Variants in ARGLU1 observed in about 807,000 individuals in gnomAD.
ARGLU1 encodes arginine and glutamate rich 1, also known as arginine and glutamate-rich protein 1.
Under a neutral mutation model 37.6 loss-of-function variants are expected in ARGLU1, and 9 were observed. The ratio of observed to expected loss-of-function variants is 0.24; its 90% CI spans 0.14 to 0.42. ARGLU1 has a LOEUF of 0.42. Ranked by LOEUF, ARGLU1 falls within the 10% of genes least tolerant of loss-of-function variation. ARGLU1 has a pLI of 1.00. For synonymous variants in ARGLU1, 166 were observed against 138.5 expected, an observed-to-expected ratio of 1.20 and a Z score of -1.39; for missense variants, 211 against 359.2, an observed-to-expected ratio of 0.59 and a Z score of 3.34.
chr13:106,554,803 T>C (rs756321337), intron 3 of ARGLU1, among the ~76,000 whole-genome samples: 6 of 151,342 alleles, frequency 4.0e-5, no homozygotes, highest in Non-Finnish European at 8.8e-5. Flanking sequence ...GAGGATTGCT[T>C]GAATCTGGAA....
chr13:106,567,768 C>T lies in ARGLU1; in HGVS notation c.152G>A (p.Arg51Gln). Residue 51 changes from arginine (R) to glutamine (Q), a missense_variant, in exon 1 of 4, where the codon CGG becomes CAG. Around this residue, in one of 3 missense-constraint regions of ARGLU1, gnomAD observed 130 missense variants for 179.8 expected, o/e 0.72. Coordinates refer to ENST00000400198, the MANE Select transcript of ARGLU1 (RefSeq NM_018011.4). This position sits in a 1 kb window ranked among gnomAD's most constrained non-coding sequence, Gnocchi z 4.3. Reference sequence around the variant, plus strand: ...GCGCGAACGGGACCGCGACTCCCGCCGCCGGTTCCGTTTACTTTCCCGAGA... The same window carrying T: ...GCGCGAACGGGACCGCGACTCCCGCTGCCGGTTCCGTTTACTTTCCCGAGA... ...SKSRESKRNRRRESRSRSRST... is the reference protein window; with the variant it reads ...SKSRESKRNRQRESRSRSRST... The T allele has an allele frequency of 6.2e-7, 1 of 1,613,196 alleles. No individual in the cohort carries two copies. The highest frequency in any genetic ancestry group is 8.5e-7 in the Non-Finnish European group (1 of 1,179,590).
rs1238885501 is a variant in ARGLU1, at chr13:106,557,287, A to T, written c.574-156T>A. On this transcript the variant is annotated intron_variant, in intron 2 of 3. Transcript: ENST00000400198. The surrounding 1 kb of genome is among the most constrained non-coding windows in gnomAD (Gnocchi z 5.0). Reference sequence around the variant, plus strand: ...CAAATGATAAACTGTGCAGTCACTAAAATTGGTTTCTAGCACTAAATTTAA... The same window carrying T: ...CAAATGATAAACTGTGCAGTCACTATAATTGGTTTCTAGCACTAAATTTAA... The T allele has an allele frequency of 1.4e-6, 1 of 733,180 alleles. No homozygotes were observed. The highest frequency in any genetic ancestry group is 2.1e-6 in the Non-Finnish European group (1 of 466,368). 45.4% of individuals were successfully genotyped at this position (733,180 alleles called of 1,614,324 possible).
intron 3 of ARGLU1, among the ~76,000 whole-genome samples, chr13:106,549,241 T>C (rs890092190): frequency 2.0e-5 from 3 of 152,300 alleles, no homozygotes; most frequent in Admixed American, 6.5e-5. Flanking sequence ...TAAAAATCCA[T>C]AGAAATATTT....
chr13:106,561,120 A>G (rs1369405835), intron 1 of ARGLU1, among the ~76,000 whole-genome samples: 3 of 152,224 alleles, frequency 2.0e-5, no homozygotes, highest in Non-Finnish European at 4.4e-5. Context: ...TGTTTGCCCA[A>G]CACTCATTCT....
At chr13:106,549,476 G>C (rs1346863393) in intron 3 of ARGLU1, among the ~76,000 whole-genome samples, 2 of 152,018 alleles carry the variant, frequency 1.3e-5, no homozygotes, top group Non-Finnish European at 2.9e-5. Context: ...TATTTGATAC[G>C]ATTAGTTCTG....
chr13:106,561,829 T>TA (rs1381039362), intron 1 of ARGLU1: 1 of 152,248 alleles, frequency 6.6e-6, no homozygotes, highest in Admixed American at 6.5e-5. Flanking sequence ...TAAATTTACT[T>TA]ACAGCAAATG....
intron 3 of ARGLU1, among the ~76,000 whole-genome samples, 194 bp from the exon 4 acceptor site, chr13:106,544,354 C>G (rs555770252): frequency 6.6e-6 from 1 of 152,116 alleles, no homozygotes; most frequent in Non-Finnish European, 1.5e-5. Context: ...AACTTACACA[C>G]AATGGCATGT....
chr13:106,567,408 C>G lies in ARGLU1; in HGVS notation c.347+165G>C, dbSNP rs1004364118. 6.6e-6 allele frequency among the ~76,000 whole-genome samples: 1 copy of G among 152,014 alleles called. No individual in the cohort carries two copies. The highest frequency in any genetic ancestry group is 1.5e-5 in the Non-Finnish European group (1 of 67,980). ...CACCCCAAGCTTTCCAAACGCCAAG[C>G]CTGCCCGCCCCGCCGCCGCCTCTCC... On this transcript the variant is annotated intron_variant, in intron 1 of 3. Coordinates refer to ENST00000400198, the MANE Select transcript of ARGLU1 (RefSeq NM_018011.4). This position sits in a 1 kb window ranked among gnomAD's most constrained non-coding sequence, Gnocchi z 4.3.
chr13:106,548,652 TAA>T (rs1249415866), intron 3 of ARGLU1, among the ~76,000 whole-genome samples: 3 of 152,136 alleles, frequency 2.0e-5, no homozygotes, highest in Admixed American at 6.5e-5. Flanking sequence ...TACCCCAAGC[TAA>T]AGAGTGACTG....
In ARGLU1 at chr13:106,557,536, A is replaced by G; in HGVS notation, c.574-405T>C. On this transcript the variant is annotated intron_variant, in intron 2 of 3. Coordinates refer to ENST00000400198, the MANE Select transcript of ARGLU1 (RefSeq NM_018011.4). This position sits in a 1 kb window ranked among gnomAD's most constrained non-coding sequence, Gnocchi z 5.0. ...ATTCTTTACCTATACTCCTTTAATC[A>G]GCATTAAAAGTTGAATATTTACTGT... 1 of 1,584,212 alleles carries G rather than the reference A, an allele frequency of 6.3e-7. No individual in the cohort carries two copies. Among genetic ancestry groups the G allele is most frequent in the Non-Finnish European group, 8.6e-7 (1 of 1,163,770 alleles).
At position 106,567,293 on chromosome 13, in the gene ARGLU1, A is replaced by G. The variant is rs539835417; in HGVS notation, c.347+280T>C. On this transcript the variant is annotated intron_variant, in intron 1 of 3. Transcript: ENST00000400198. This position sits in a 1 kb window ranked among gnomAD's most constrained non-coding sequence, Gnocchi z 4.3. ...ACTCCACCCCTACTTCCGGGACACC[A>G]CTCCTCTCTCGCGCCAAAATCGCCT... 4.0e-4 allele frequency among the ~76,000 whole-genome samples: 59 copies of G among 146,330 alleles called. No individual in the cohort carries two copies. The highest frequency in any genetic ancestry group is 1.5e-3 in the African/African-American group (57 of 38,984).
rs1880302503 is a variant in ARGLU1 at position 106,543,106 on chromosome 13, GGTA to G, written c.*887_*889del. ...CTGGATGTTGTTAGTCTTTCTTAAA[GGTA>G]ACACTGATGCCATTTGCTCTATCAG... On this transcript the variant is annotated 3_prime_UTR_variant, in exon 4 of 4. Coordinates refer to ENST00000400198, the MANE Select transcript of ARGLU1 (RefSeq NM_018011.4). 1 of 151,996 alleles carries G rather than the reference GGTA, an allele frequency of 6.6e-6. No individual in the cohort carries two copies. Among genetic ancestry groups the G allele is most frequent in the African/African-American group, 2.4e-5 (1 of 41,400 alleles). The allele number at this position is 151,996 out of a possible 1,614,324, so 9.4% of individuals were successfully genotyped here.
Position 106,548,227 on chromosome 13 carries a change from T to G in ARGLU1, c.658-4067A>C, listed in dbSNP as rs937462138. On this transcript the variant is annotated intron_variant, in intron 3 of 3. Transcript: ENST00000400198. ...TAACAACCGTCATCTCTCATTTTAA[T>G]ATAGTCTCTCAAGTGATAAAAGCTG... 3.9e-5 allele frequency among the ~76,000 whole-genome samples: 6 copies of G among 152,228 alleles called. No homozygotes were observed. In the South Asian group the frequency reaches 1.0e-3, roughly 26 times the overall value.
At position 106,557,390 on chromosome 13, in the gene ARGLU1, T is replaced by A; in HGVS notation, c.574-259A>T. The stretch of plus-strand genomic sequence containing the variant: ...TTCCTGGCAATTATTACTAATACTT[T>A]AATATCACACAAATCAACAAGGACA... On this transcript the variant is annotated intron_variant, in intron 2 of 3. Transcript: ENST00000400198. This position sits in a 1 kb window ranked among gnomAD's most constrained non-coding sequence, Gnocchi z 5.0. The A allele has an allele frequency of 6.7e-6, 4 of 594,448 alleles. No homozygotes were observed. Among genetic ancestry groups the A allele is most frequent in the Non-Finnish European group, 1.0e-5 (4 of 383,740 alleles). 36.8% of individuals were successfully genotyped at this position (594,448 alleles called of 1,614,324 possible). A position where few individuals can be genotyped will look rare whatever the true frequency, so the allele number is the denominator to read the frequency against.
chr13:106,557,269 T>TA lies in ARGLU1; in HGVS notation c.574-139dup, dbSNP rs1880685987. On this transcript the variant is annotated intron_variant, in intron 2 of 3. Coordinates refer to ENST00000400198, the MANE Select transcript of ARGLU1 (RefSeq NM_018011.4). This position sits in a 1 kb window ranked among gnomAD's most constrained non-coding sequence, Gnocchi z 5.0. ...TAGCTACCTTCTGTCTGACAAATGA[T>TA]AAACTGTGCAGTCACTAAAATTGGT... 1 of 799,850 alleles carries TA rather than the reference T, an allele frequency of 1.3e-6. No individual in the cohort carries two copies. Among genetic ancestry groups the TA allele is most frequent in the African/African-American group, 1.7e-5 (1 of 57,232 alleles). 49.5% of individuals were successfully genotyped at this position (799,850 alleles called of 1,614,324 possible). A position where few individuals can be genotyped will look rare whatever the true frequency, so the allele number is the denominator to read the frequency against.
Position 106,557,445 on chromosome 13 carries a change from TA to T in ARGLU1, c.574-315del, listed in dbSNP as rs1594192466. On this transcript the variant is annotated intron_variant, in intron 2 of 3. Coordinates refer to ENST00000400198, the MANE Select transcript of ARGLU1 (RefSeq NM_018011.4). The surrounding 1 kb of genome is among the most constrained non-coding windows in gnomAD (Gnocchi z 5.0). ...CAAAACTGGATAGTATTTACCAAAT[TA>T]AAAAAATAATATATAAAATATAAAT... The T allele has an allele frequency of 4.8e-6, 4 of 834,956 alleles. No homozygotes were observed. Among genetic ancestry groups the T allele is most frequent in the African/African-American group, 1.8e-5 (1 of 55,886 alleles). The allele number at this position is 834,956 out of a possible 1,614,324, so 51.7% of individuals were successfully genotyped here.
chr13:106,549,787 T>G (rs1880487964), intron 3 of ARGLU1, among the ~76,000 whole-genome samples: 1 of 152,132 alleles, frequency 6.6e-6, no homozygotes, highest in South Asian at 2.1e-4. Flanking sequence ...TCTCCATGGA[T>G]TCCATGTTAC....
At chr13:106,562,296 TC>T (rs1264217939) in intron 1 of ARGLU1, among the ~76,000 whole-genome samples, 1 of 152,204 alleles carries the variant, frequency 6.6e-6, no homozygotes, top group Non-Finnish European at 1.5e-5. Flanking sequence ...CTCAATTTTA[TC>T]CCCTCACCAT....
rs1392399772 is a variant in ARGLU1, at chr13:106,542,888, A to G, written c.*1108T>C. ...GTCCTAAAAATAAACGTGCAAGTACACTACACAATGAAAATGACTCGACCA... is the reference window on the plus strand; with the variant it reads ...GTCCTAAAAATAAACGTGCAAGTACGCTACACAATGAAAATGACTCGACCA... On this transcript the variant is annotated 3_prime_UTR_variant, in exon 4 of 4. Coordinates refer to ENST00000400198, the MANE Select transcript of ARGLU1 (RefSeq NM_018011.4). 1 of 152,032 alleles carries G rather than the reference A, an allele frequency of 6.6e-6. No individual in the cohort carries two copies. Among genetic ancestry groups the G allele is most frequent in the East Asian group, 1.9e-4 (1 of 5,198 alleles). The allele number at this position is 152,032 out of a possible 1,614,324, so 9.4% of individuals were successfully genotyped here.
Sources: gnomAD v4.1 joint callset for allele counts (sites outside exome capture counted in the v4.1 genomes callset) on GRCh38, gnomAD v4.1.1 for gene constraint, gnomAD v4.1.1 regional missense constraint, Gnocchi (gnomAD v3.1) non-coding constraint, MANE v1.5 for transcripts, NCBI Gene and HGNC (gene_info 2026-07-23, HGNC 2026-07-21) for gene names.